NMNAT1: variants seen among roughly 807,000 people sequenced by gnomAD.
NMNAT1 encodes the protein nicotinamide/nicotinic acid mononucleotide adenylyltransferase 1.
In NMNAT1, 11 loss-of-function variants were observed where a neutral mutation model predicts 16.7. The observed-to-expected ratio is 0.66, with a 90% CI of 0.41 to 1.09. The LOEUF is 1.09. Ranked by LOEUF, NMNAT1 falls within the 50% of genes least tolerant of loss-of-function variation. The pLI, the probability that NMNAT1 is intolerant of heterozygous loss-of-function variation, is 0.00. For synonymous variants in NMNAT1, 110 were observed against 119.8 expected (o/e 0.92, Z 0.53); for missense variants, 280 against 332.3 (o/e 0.84, Z 1.22).
rs113606279 is a variant in NMNAT1, at chr1:9,983,655, CAA to C, written c.*967_*968del. 1.1e-4 allele frequency: 13 copies of C among 115,500 alleles called. No homozygotes were observed. The highest frequency in any genetic ancestry group is 1.1e-4 in the Non-Finnish European group (6 of 53,688). 7.2% of individuals were successfully genotyped at this position (115,500 alleles called of 1,614,324 possible). A position where few individuals can be genotyped will look rare whatever the true frequency, so the allele number is the denominator to read the frequency against. On this transcript the variant is annotated 3_prime_UTR_variant, in exon 5 of 5. Coordinates refer to ENST00000377205, the MANE Select transcript of NMNAT1 (RefSeq NM_022787.4). Reference sequence around the variant, plus strand: ...TGGGTGACAGAGCGAGACTCCATCTCAAAAAAAAAAAAAAGCCTGACAGCTAG... The same window carrying C: ...TGGGTGACAGAGCGAGACTCCATCTCAAAAAAAAAAAAGCCTGACAGCTAG...
chr1:9,972,370 C>T, intron 2 of NMNAT1, 182 bp downstream of exon 2: 2 of 475,136 alleles, frequency 4.2e-6, no homozygotes, highest in Non-Finnish European at 7.6e-6. Flanking sequence ...ATTCACTGTG[C>T]CTGTAGTCCT....
rs1406292429 is a variant in NMNAT1, at chr1:9,982,775, A to G, written c.*74A>G. ...AATCTGGGAGTTAATAACTGGGGAA[A>G]GAAGTTGTGATCTGTTGCCTAAACT... On this transcript the variant is annotated 3_prime_UTR_variant, in exon 5 of 5. Transcript: ENST00000377205. 35 of 1,442,328 alleles carry G rather than the reference A, an allele frequency of 2.4e-5. No individual in the cohort carries two copies. Among genetic ancestry groups the G allele is most frequent in the Non-Finnish European group, 3.1e-5 (33 of 1,069,118 alleles). The allele number at this position is 1,442,328 out of a possible 1,614,324, so 89.3% of individuals were successfully genotyped here.
the NMNAT1 span, among the ~76,000 whole-genome samples, chr1:9,996,531 G>T: frequency 1.5e-4 from 23 of 152,282 alleles, no homozygotes; most frequent in East Asian, 4.2e-3. Flanking sequence ...GCAGTTAGAA[G>T]TGGCATTGAT....
chr1:9,946,612 T>C (rs1640986078), intron 1 of NMNAT1, among the ~76,000 whole-genome samples: 1 of 152,240 alleles, frequency 6.6e-6, no homozygotes, highest in African/African-American at 2.4e-5. Context: ...AAATAGCTTG[T>C]ACCATTGTAA....
chr1:9,972,627 A>T (rs1641715529), intron 2 of NMNAT1: 1 of 155,780 alleles, frequency 6.4e-6, no homozygotes, highest in Non-Finnish European at 1.4e-5. Flanking sequence ...AGGGTGAAGT[A>T]TGAGGGAAGA....
chr1:9,976,015 G>A (rs954918699), intron 3 of NMNAT1, among the ~76,000 whole-genome samples: 26 of 152,234 alleles, frequency 1.7e-4, no homozygotes, highest in East Asian at 1.9e-4. Context: ...GGCCAGGCGC[G>A]GTGGCTCACG....
At chr1:9,970,981 G>A (rs893465509) in intron 1 of NMNAT1, among the ~76,000 whole-genome samples, 1 of 152,086 alleles carries the variant, frequency 6.6e-6, no homozygotes, top group Non-Finnish European at 1.5e-5. Flanking sequence ...TTTGAGACTA[G>A]GGTCAGCTTG....
downstream of NMNAT1, among the ~76,000 whole-genome samples, chr1:9,987,634 C>T (rs548428426): frequency 2.0e-5 from 3 of 151,522 alleles, no homozygotes; most frequent in Admixed American, 6.6e-5. Flanking sequence ...AGCAAGACTC[C>T]GTCTCAAAAT....
At position 9,983,573 on chromosome 1, in the gene NMNAT1, T is replaced by G. The variant is rs1641994867; in HGVS notation, c.*872T>G. 1 of 152,436 alleles carries G rather than the reference T, an allele frequency of 6.6e-6. No individual in the cohort carries two copies. The highest frequency in any genetic ancestry group is 2.4e-5 in the African/African-American group (1 of 41,320). 9.4% of individuals were successfully genotyped at this position (152,436 alleles called of 1,614,324 possible). A position where few individuals can be genotyped will look rare whatever the true frequency, so the allele number is the denominator to read the frequency against. On this transcript the variant is annotated 3_prime_UTR_variant, in exon 5 of 5. Coordinates refer to ENST00000377205, the MANE Select transcript of NMNAT1 (RefSeq NM_022787.4). Reference sequence around the variant, plus strand: ...TGGGAGGCTGAGGCAGGAGAATCGCTTGAACCTGGGAGGCAGAGGTTGCAG... The same window carrying G: ...TGGGAGGCTGAGGCAGGAGAATCGCGTGAACCTGGGAGGCAGAGGTTGCAG...
intron 1 of NMNAT1, among the ~76,000 whole-genome samples, chr1:9,947,869 C>T (rs887728095): frequency 6.6e-6 from 1 of 152,186 alleles, no homozygotes; most frequent in Non-Finnish European, 1.5e-5. Flanking sequence ...TTGCCTCTCC[C>T]TACATTCTGT....
At chr1:9,976,286 C>CAAA (rs554511251) in intron 3 of NMNAT1, among the ~76,000 whole-genome samples, 7 of 58,538 alleles carry the variant, frequency 1.2e-4, no homozygotes, top group Non-Finnish European at 2.0e-4. Context: ...GACTCCATCT[C>CAAA]AAAAAAAAAA....
At chr1:9,986,964 A>G (rs1401055929), downstream of NMNAT1, among the ~76,000 whole-genome samples, 1 of 151,880 alleles carries the variant, frequency 6.6e-6, no homozygotes, top group Non-Finnish European at 1.5e-5. Flanking sequence ...TGGGAGGCCA[A>G]GGTGGGTGGA....
intron 1 of NMNAT1, among the ~76,000 whole-genome samples, chr1:9,948,944 G>A (rs1641041913): frequency 1.3e-5 from 2 of 151,458 alleles, no homozygotes; most frequent in South Asian, 2.1e-4. Flanking sequence ...ACTGTGTCTG[G>A]CCCGGAATTG....
At position 9,964,883 on chromosome 1, in the gene NMNAT1, G is replaced by C. The variant is rs1027765302; in HGVS notation, c.-56-7135G>C. Among the ~76,000 whole-genome samples the C allele has an allele frequency of 2.0e-5, 3 of 148,214 alleles. No homozygotes were observed. The East Asian group carries it at 5.9e-4, about 29-fold the overall frequency. ...GAATCACTTGAGCCAGGGAGGTAGA[G>C]GTTGCAGTGAGCCAAGATTGTGCCA... On this transcript the variant is annotated intron_variant, in intron 1 of 4. Coordinates refer to ENST00000377205, the MANE Select transcript of NMNAT1 (RefSeq NM_022787.4).
At chr1:9,945,259 G>A (rs1268652433) in intron 1 of NMNAT1, among the ~76,000 whole-genome samples, 1 of 151,648 alleles carries the variant, frequency 6.6e-6, no homozygotes, top group Non-Finnish European at 1.5e-5. Context: ...CAAAACAAAA[G>A]AAGAAAAAAA....
intron 1 of NMNAT1, among the ~76,000 whole-genome samples, chr1:9,960,486 A>T (rs1320799291): frequency 6.6e-6 from 1 of 151,896 alleles, no homozygotes; most frequent in Non-Finnish European, 1.5e-5. Flanking sequence ...ACACAGCGAG[A>T]CCCCATCTCT....
the NMNAT1 span, among the ~76,000 whole-genome samples, chr1:9,994,635 CG>C: frequency 8.2e-6 from 1 of 122,310 alleles, no homozygotes; most frequent in African/African-American, 3.2e-5. Context: ...TTTTTTGAGA[CG>C]GAGTCTTGCT....
At chr1:9,992,226 G>A in the NMNAT1 span, among the ~76,000 whole-genome samples, 1 of 151,782 alleles carries the variant, frequency 6.6e-6, no homozygotes, top group Non-Finnish European at 1.5e-5. Context: ...GGGACTACAG[G>A]TGCATACCAC....
the NMNAT1 span, among the ~76,000 whole-genome samples, chr1:9,994,615 ATT>A: frequency 0.01 from 1,269 of 123,048 alleles, 14 homozygotes; most frequent in Admixed American, 0.015. Flanking sequence ...TATTTTTTGT[ATT>A]TTTTTTTTTT....
Sources: gnomAD v4.1 joint callset for allele counts (sites outside exome capture counted in the v4.1 genomes callset) on GRCh38, gnomAD v4.1.1 for gene constraint, MANE v1.5 for transcripts, NCBI Gene and HGNC (gene_info 2026-07-23, HGNC 2026-07-21) for gene names.